KCTD8: variants seen among roughly 807,000 people sequenced by gnomAD.
KCTD8 encodes BTB/POZ domain-containing protein KCTD8.
Under a neutral mutation model 31.5 loss-of-function variants are expected in KCTD8, and 27 were observed. The observed-to-expected ratio is 0.86, with a 90% CI of 0.63 to 1.18. KCTD8 has a LOEUF of 1.18. KCTD8 is among the 50% of genes most tolerant of loss of function. KCTD8 has a pLI of 0.00. For synonymous variants in KCTD8, 290 were observed against 280.0 expected (o/e 1.04, Z -0.36); for missense variants, 658 against 647.7 (o/e 1.02, Z -0.17).
At chr4:44,296,894 G>C (rs7665717) in intron 1 of KCTD8, among the ~76,000 whole-genome samples, 2 of 151,812 alleles carry the variant, frequency 1.3e-5, no homozygotes, top group East Asian at 1.9e-4. Flanking sequence ...TCCATGTTAC[G>C]TGAGGTCTAA....
intron 1 of KCTD8, among the ~76,000 whole-genome samples, chr4:44,227,121 A>G (rs1560399903): frequency 6.6e-6 from 1 of 152,136 alleles, no homozygotes; most frequent in Non-Finnish European, 1.5e-5. Flanking sequence ...GCCCATGCCT[A>G]TGTGCTGAAT....
intron 1 of KCTD8, among the ~76,000 whole-genome samples, chr4:44,389,121 G>A (rs958351421): frequency 6.6e-6 from 1 of 151,748 alleles, no homozygotes; most frequent in Non-Finnish European, 1.5e-5. Context: ...GTTACTAGAG[G>A]CTGGGAAAGG....
chr4:44,200,401 A>T lies in KCTD8; in HGVS notation c.962-25151T>A, dbSNP rs142824556. Among the ~76,000 whole-genome samples, 541 of 152,168 alleles carry T rather than the reference A, an allele frequency of 3.6e-3. 7 individuals carry two copies. The highest frequency in any genetic ancestry group is 0.012 in the African/African-American group (513 of 41,558). On this transcript the variant is annotated intron_variant, in intron 1 of 1. Coordinates refer to ENST00000360029, the MANE Select transcript of KCTD8 (RefSeq NM_198353.3). ...ATTCCTGATAAACACTGACACAAAA[A>T]TCCTCAACACAATACTAGCAAACAG...
At chr4:44,236,615 G>A (rs1364946769) in intron 1 of KCTD8, among the ~76,000 whole-genome samples, 1 of 151,972 alleles carries the variant, frequency 6.6e-6, no homozygotes, top group Non-Finnish European at 1.5e-5. Context: ...CTCCACTTGA[G>A]ATAATATGTT....
chr4:44,359,297 G>C (rs772097033), intron 1 of KCTD8, among the ~76,000 whole-genome samples: 3 of 151,372 alleles, frequency 2.0e-5, no homozygotes, highest in African/African-American at 7.3e-5. Context: ...TTTTAACACT[G>C]TTGCTTCTTC....
chr4:44,243,316 C>T (rs988808404), intron 1 of KCTD8, among the ~76,000 whole-genome samples: 2 of 152,180 alleles, frequency 1.3e-5, no homozygotes, highest in Non-Finnish European at 2.9e-5. Context: ...CCTGTTGCTA[C>T]TTCAAGTATG....
intron 1 of KCTD8, among the ~76,000 whole-genome samples, chr4:44,355,416 A>T (rs1187360805): frequency 6.6e-6 from 1 of 152,076 alleles, no homozygotes; most frequent in African/African-American, 2.4e-5. Context: ...TCTTTTCCTC[A>T]TTAAGAACTA....
chr4:44,250,381 G>A (rs1715792559), intron 1 of KCTD8, among the ~76,000 whole-genome samples: 1 of 151,712 alleles, frequency 6.6e-6, no homozygotes, highest in Non-Finnish European at 1.5e-5. Flanking sequence ...TAGGTTTAGG[G>A]AGTGTTTACT....
chr4:44,383,614 A>G (rs563690604), intron 1 of KCTD8, among the ~76,000 whole-genome samples: 17 of 152,192 alleles, frequency 1.1e-4, no homozygotes, highest in Admixed American at 1.1e-3. Flanking sequence ...CTGAATAACC[A>G]TAAACACAAT....
intron 1 of KCTD8, among the ~76,000 whole-genome samples, chr4:44,428,887 C>T (rs1721406412): frequency 6.6e-6 from 1 of 151,666 alleles, no homozygotes; most frequent in Non-Finnish European, 1.5e-5. Context: ...CCAAACACAC[C>T]ACTTACATAT....
At chr4:44,422,712 C>A (rs1264991396) in intron 1 of KCTD8, among the ~76,000 whole-genome samples, 1 of 151,980 alleles carries the variant, frequency 6.6e-6, no homozygotes, top group African/African-American at 2.4e-5. Context: ...TTAATTTGAA[C>A]TATAACACCT....
intron 1 of KCTD8, among the ~76,000 whole-genome samples, chr4:44,248,447 C>T (rs1715731446): frequency 6.7e-6 from 1 of 149,678 alleles, no homozygotes; most frequent in Admixed American, 6.7e-5. Flanking sequence ...CCTGCCCTAC[C>T]CAACCAAAAA....
intron 1 of KCTD8, among the ~76,000 whole-genome samples, chr4:44,217,921 T>G (rs1714695332): frequency 6.6e-6 from 1 of 151,956 alleles, no homozygotes; most frequent in Admixed American, 6.6e-5. Flanking sequence ...CTGGCTTCTT[T>G]CTCCCTCAGC....
At chr4:44,233,012 C>T (rs114164739) in intron 1 of KCTD8, among the ~76,000 whole-genome samples, 3,587 of 151,970 alleles carry the variant, frequency 0.024, 61 homozygotes, top group Non-Finnish European at 0.041. Flanking sequence ...ATACAATGAA[C>T]TATTTGATAA....
rs568752615 is a variant in KCTD8, at chr4:44,448,673, G to C, written c.-150C>G. 1.1e-4 allele frequency: 92 copies of C among 836,652 alleles called. 1 individual carries two copies. In the South Asian group the frequency reaches 4.4e-3, roughly 40 times the overall value. The allele number at this position is 836,652 out of a possible 1,614,324, so 51.8% of individuals were successfully genotyped here. ...ACCGGGGCGGCCCCGCTCAGGGTTC[G>C]GGGCAGCGGCGGCGTCGGCGGCGCC... is the stretch of plus-strand genomic sequence containing the variant. On this transcript the variant is annotated 5_prime_UTR_variant, in exon 1 of 2. Transcript: ENST00000360029. This position sits in a 1 kb window ranked among gnomAD's most constrained non-coding sequence, Gnocchi z 4.1.
At chr4:44,239,002 A>C (rs947623061) in intron 1 of KCTD8, among the ~76,000 whole-genome samples, 22 of 152,222 alleles carry the variant, frequency 1.4e-4, no homozygotes, top group Admixed American at 6.5e-5. Context: ...GAAACAAAAA[A>C]CACAGCACCT....
chr4:44,240,636 G>A (rs1258731350), intron 1 of KCTD8, among the ~76,000 whole-genome samples: 5 of 152,046 alleles, frequency 3.3e-5, no homozygotes, highest in African/African-American at 1.2e-4. Flanking sequence ...ACCATGCCCC[G>A]CATGTTTTTA....
intron 1 of KCTD8, among the ~76,000 whole-genome samples, chr4:44,269,084 T>C (rs1465170330): frequency 6.6e-6 from 1 of 152,056 alleles, no homozygotes; most frequent in East Asian, 1.9e-4. Context: ...CATTGCCAAG[T>C]CAATCCTAAG....
rs185295196 is a variant in KCTD8 at position 44,277,961 on chromosome 4, G to C, written c.962-102711C>G. On this transcript the variant is annotated intron_variant, in intron 1 of 1. Coordinates refer to ENST00000360029, the MANE Select transcript of KCTD8 (RefSeq NM_198353.3). ...AAATAACAATAAGTTTATGCAGAAA[G>C]TTACAAGGATTGTACTAAATTTTCT... Among the ~76,000 whole-genome samples, 48 of 152,056 alleles carry C rather than the reference G, an allele frequency of 3.2e-4. No homozygotes were observed. The East Asian group carries it at 9.1e-3, about 29-fold the overall frequency.
Sources: allele counts gnomAD v4.1 joint callset (sites outside exome capture counted in the v4.1 genomes callset), GRCh38; gene constraint gnomAD v4.1.1; non-coding constraint Gnocchi (gnomAD v3.1); transcripts MANE v1.5; gene names NCBI Gene and HGNC (gene_info 2026-07-23, HGNC 2026-07-21).